Variants in RAB28 observed in about 807,000 individuals in gnomAD.
The protein encoded by RAB28 is RAB28, member RAS oncogene family.
RAB28 carries 24 observed loss-of-function variants against 31.7 expected under a neutral mutation model. The observed-to-expected ratio is 0.76, with a 90% CI of 0.55 to 1.06. The LOEUF is 1.06. Ranked by LOEUF, RAB28 falls within the 50% of genes least tolerant of loss-of-function variation. RAB28 has a pLI of 0.00. For missense variants in RAB28, 254 were observed against 258.5 expected (o/e 0.98, Z 0.12); for synonymous variants, 100 against 90.4 (o/e 1.11, Z -0.60).
rs1031352820 is a variant in RAB28, at chr4:13,459,725, A to T, written c.391+974T>A. The T allele has an allele frequency of 7.9e-6, 8 of 1,018,976 alleles. No individual in the cohort carries two copies. In the African/African-American group the frequency reaches 1.4e-4, roughly 18 times the overall value. 63.1% of individuals were successfully genotyped at this position (1,018,976 alleles called of 1,614,324 possible). ...TTTCAGAAAAAAAACAAAAATTTAG[A>T]AGAGGAAGTTTATAAGAGACAGGAG... On this transcript the variant is annotated intron_variant, in intron 4 of 6. Coordinates refer to ENST00000330852, the MANE Select transcript of RAB28 (RefSeq NM_001017979.3).
chr4:13,422,059 A>G (rs1343232068), intron 4 of RAB28, among the ~76,000 whole-genome samples: 1 of 152,018 alleles, frequency 6.6e-6, no homozygotes, highest in East Asian at 1.9e-4. Context: ...TTACAAGAAA[A>G]AAAAAAACAA....
At chr4:13,414,740 CAAAA>C (rs150030959) in intron 4 of RAB28, among the ~76,000 whole-genome samples, 3 of 151,936 alleles carry the variant, frequency 2.0e-5, no homozygotes, top group Non-Finnish European at 1.5e-5. Flanking sequence ...TATGCTGTGA[CAAAA>C]AAAGTTTAAT....
At chr4:13,393,012 T>C (rs1358763502) in intron 4 of RAB28, among the ~76,000 whole-genome samples, 3 of 152,194 alleles carry the variant, frequency 2.0e-5, no homozygotes, top group African/African-American at 4.8e-5. Flanking sequence ...TCAATAAGTA[T>C]TAGCTAGTGT....
At chr4:13,420,510 A>C (rs1713068117) in intron 4 of RAB28, among the ~76,000 whole-genome samples, 1 of 152,226 alleles carries the variant, frequency 6.6e-6, no homozygotes, top group Non-Finnish European at 1.5e-5. Context: ...AATCCTCAAT[A>C]AAATACTGGC....
intron 4 of RAB28, among the ~76,000 whole-genome samples, chr4:13,423,174 T>C (rs896266901): frequency 6.6e-6 from 1 of 152,146 alleles, no homozygotes; most frequent in Non-Finnish European, 1.5e-5. Context: ...TGCAGCAAAC[T>C]GTAGTCTGTG....
intron 4 of RAB28, among the ~76,000 whole-genome samples, chr4:13,458,792 T>C (rs1715441732): frequency 6.6e-6 from 1 of 152,212 alleles, no homozygotes; most frequent in Non-Finnish European, 1.5e-5. Context: ...TATACAAGTT[T>C]GTAGCCTAGG....
At chr4:13,437,501 T>G (rs1290850848) in intron 4 of RAB28, among the ~76,000 whole-genome samples, 1 of 151,812 alleles carries the variant, frequency 6.6e-6, no homozygotes, top group Non-Finnish European at 1.5e-5. Context: ...TGTAAGGAAT[T>G]TAAGTCAAGG....
intron 4 of RAB28, among the ~76,000 whole-genome samples, chr4:13,440,652 C>T (rs1714365438): frequency 6.6e-6 from 1 of 152,062 alleles, no homozygotes; most frequent in African/African-American, 2.4e-5. Context: ...TTATTTATAA[C>T]ATCAGATCAC....
At chr4:13,475,337 T>C (rs567916026) in intron 2 of RAB28, among the ~76,000 whole-genome samples, 65 of 151,566 alleles carry the variant, frequency 4.3e-4, no homozygotes, top group Non-Finnish European at 8.0e-4. Context: ...TCCCCTCATA[T>C]AATTATGCAG....
chr4:13,474,315 T>C lies in RAB28; in HGVS notation c.261+3A>G. ...ACTGGAATAATCAGAATTCATATCATACCTGTGCTCCATAGATATATTTAT... is the reference window on the plus strand; with the variant it reads ...ACTGGAATAATCAGAATTCATATCACACCTGTGCTCCATAGATATATTTAT... On this transcript the variant is annotated splice_donor_region_variant and intron_variant, in intron 3 of 6. Transcript: ENST00000330852. 1 of 1,563,640 alleles carries C rather than the reference T, an allele frequency of 6.4e-7. No individual in the cohort carries two copies. The highest frequency in any genetic ancestry group is 8.8e-7 in the Non-Finnish European group (1 of 1,138,286).
chr4:13,410,538 AT>A (rs1226497868), intron 4 of RAB28, among the ~76,000 whole-genome samples: 3 of 149,496 alleles, frequency 2.0e-5, no homozygotes, highest in African/African-American at 7.3e-5. Context: ...CTGCAAAAAA[AT>A]AAATAAATAA....
chr4:13,463,437 T>C (rs909173107), intron 3 of RAB28, among the ~76,000 whole-genome samples: 1 of 152,184 alleles, frequency 6.6e-6, no homozygotes, highest in Non-Finnish European at 1.5e-5. Context: ...GATAAACTTT[T>C]ACTGAAATAT....
intron 4 of RAB28, among the ~76,000 whole-genome samples, chr4:13,455,951 C>T (rs1394161031): frequency 6.6e-6 from 1 of 152,226 alleles, no homozygotes; most frequent in Non-Finnish European, 1.5e-5. Flanking sequence ...CTTGCTAAAG[C>T]CATCTTGCTA....
intron 4 of RAB28, among the ~76,000 whole-genome samples, chr4:13,397,970 C>T (rs1267218823): frequency 1.3e-5 from 2 of 151,908 alleles, no homozygotes; most frequent in Non-Finnish European, 2.9e-5. Flanking sequence ...ACCAAAACAC[C>T]ACCAAGAGCA....
intron 6 of RAB28, chr4:13,371,298 G>T: frequency 1.0e-6 from 1 of 985,124 alleles, no homozygotes; most frequent in Non-Finnish European, 1.2e-6. Context: ...GTATGAATCG[G>T]GGGGTACATC....
intron 5 of RAB28, among the ~76,000 whole-genome samples, chr4:13,380,876 G>T (rs1055157956): frequency 3.3e-5 from 5 of 151,356 alleles, no homozygotes; most frequent in African/African-American, 1.2e-4. Context: ...TTTATTAAAT[G>T]AATTATTCAA....
At chr4:13,403,189 A>C (rs1283059345) in intron 4 of RAB28, among the ~76,000 whole-genome samples, 1 of 152,216 alleles carries the variant, frequency 6.6e-6, no homozygotes, top group African/African-American at 2.4e-5. Context: ...GTGTGGCTCT[A>C]TTCCTATAAA....
intron 6 of RAB28, among the ~76,000 whole-genome samples, chr4:13,373,228 G>A (rs780006682): frequency 1.3e-5 from 2 of 151,980 alleles, no homozygotes; most frequent in African/African-American, 2.4e-5. Flanking sequence ...CTAAACAACG[G>A]CAATTGTAAA....
At chr4:13,391,099 A>C (rs557464675) in intron 4 of RAB28, among the ~76,000 whole-genome samples, 1 of 152,224 alleles carries the variant, frequency 6.6e-6, no homozygotes, top group Admixed American at 6.5e-5. Context: ...AAAAGAAACT[A>C]CCATCAGAGT....
Sources: gnomAD v4.1 joint callset for allele counts (sites outside exome capture counted in the v4.1 genomes callset) on GRCh38, gnomAD v4.1.1 for gene constraint, MANE v1.5 for transcripts, NCBI Gene and HGNC (gene_info 2026-07-23, HGNC 2026-07-21) for gene names.